The following LIPA variants were observed in gnomAD, a reference collection of about 807,000 sequenced individuals.
The protein encoded by LIPA is lipase A, lysosomal acid type.
LIPA carries 26 observed loss-of-function variants against 40.6 expected under a neutral mutation model. The ratio of observed to expected loss-of-function variants is 0.64; its 90% CI spans 0.47 to 0.89. The LOEUF is 0.89. LIPA is among the 40% of genes least tolerant of loss of function. The pLI is 0.00. For missense variants in LIPA, 455 were observed against 479.6 expected (o/e 0.95, Z 0.48); for synonymous variants, 188 against 168.4 (o/e 1.12, Z -0.90).
chr10:89,250,856 G>T (rs535761309), intron 1 of LIPA, among the ~76,000 whole-genome samples: 1 of 151,708 alleles, frequency 6.6e-6, no homozygotes, highest in Non-Finnish European at 1.5e-5. Flanking sequence ...AAGGAGGGGG[G>T]AAAAAAAACC....
intron 1 of LIPA, among the ~76,000 whole-genome samples, chr10:89,341,181 G>C (rs535538475): frequency 6.6e-6 from 1 of 152,260 alleles, no homozygotes; most frequent in Admixed American, 6.5e-5. Flanking sequence ...CAGCCTAGGA[G>C]CCCCAACTAA....
chr10:89,292,920 ATT>A (rs535059102), intron 1 of LIPA, among the ~76,000 whole-genome samples: 1,595 of 152,020 alleles, frequency 0.01, 21 homozygotes, highest in African/African-American at 0.032. Context: ...AAGTGCTGAG[ATT>A]ACAGACATGA....
intron 2 of LIPA, among the ~76,000 whole-genome samples, chr10:89,383,140 G>T (rs939600566): frequency 4.6e-5 from 7 of 152,128 alleles, no homozygotes; most frequent in African/African-American, 1.7e-4. Flanking sequence ...ATTTCCCCTT[G>T]GTTTTTATGT....
intron 1 of LIPA, chr10:89,306,767 A>T (rs770640915): frequency 9.9e-6 from 16 of 1,614,016 alleles, no homozygotes; most frequent in Non-Finnish European, 1.4e-5. Flanking sequence ...TGAACTGCTT[A>T]AAAAGGCTTT....
Position 89,334,581 on chromosome 10 carries a change from C to T in LIPA, c.-2+8030G>A, listed in dbSNP as rs1045028621. On this transcript the variant is annotated intron_variant, in intron 1 of 5. Coordinates refer to the LIPA transcript ENST00000282673. ...CCCGATCTTGGCTCACTGCAACCTC[C>T]GCCTTCCGGTTTCAAGCAATTCTGC... 3.4e-5 allele frequency among the ~76,000 whole-genome samples: 3 copies of T among 87,824 alleles called. No homozygotes were observed. In the East Asian group the frequency reaches 2.6e-3, roughly 76 times the overall value. The allele number at this position is 87,824 out of a possible 152,430, so 57.6% of individuals were successfully genotyped here.
intron 2 of LIPA, among the ~76,000 whole-genome samples, chr10:89,412,134 T>C (rs983594986): frequency 2.6e-5 from 4 of 152,150 alleles, no homozygotes; most frequent in Non-Finnish European, 5.9e-5. Context: ...TCTTCGCCCC[T>C]ATCCAGCAGA....
At chr10:89,384,812 T>G in intron 2 of LIPA, 1 of 1,310,282 alleles carries the variant, frequency 7.6e-7, no homozygotes, top group East Asian at 2.3e-5. Context: ...TAATGCAAAC[T>G]TAAAGCTGTT....
chr10:89,297,769 T>A (rs974702975), intron 1 of LIPA, among the ~76,000 whole-genome samples: 1 of 152,198 alleles, frequency 6.6e-6, no homozygotes, highest in African/African-American at 2.4e-5. Flanking sequence ...GGCTTACATG[T>A]AGAGAGCAGA....
chr10:89,400,335 G>A (rs2481931), intron 2 of LIPA, among the ~76,000 whole-genome samples: 39,259 of 151,948 alleles, frequency 0.26, 5,352 homozygotes, highest in East Asian at 0.54. Context: ...ATTTTTATTA[G>A]GATTGCATTG....
chr10:89,312,342 G>A (rs1843521150), intron 1 of LIPA, among the ~76,000 whole-genome samples: 1 of 152,130 alleles, frequency 6.6e-6, no homozygotes, highest in African/African-American at 2.4e-5. Context: ...TTGGGATGCT[G>A]AGGTAGGAGG....
At chr10:89,219,308 G>A (rs1317370966) in intron 8 of LIPA, among the ~76,000 whole-genome samples, 2 of 152,114 alleles carry the variant, frequency 1.3e-5, no homozygotes, top group East Asian at 1.9e-4. Context: ...AGCACCTTAG[G>A]TAGGTCAGAA....
chr10:89,375,387 T>G (rs1844114827), intron 2 of LIPA, among the ~76,000 whole-genome samples: 1 of 152,234 alleles, frequency 6.6e-6, no homozygotes, highest in Admixed American at 6.5e-5. Flanking sequence ...GTTCTCATTA[T>G]GCCCAAGCTG....
intron 1 of LIPA, among the ~76,000 whole-genome samples, chr10:89,279,584 C>A (rs1843305391): frequency 6.6e-6 from 1 of 152,090 alleles, no homozygotes; most frequent in East Asian, 1.9e-4. Flanking sequence ...GGCTTCGAGC[C>A]AAACCACAAG....
At chr10:89,338,535 G>A (rs1256596233) in intron 1 of LIPA, 1 of 890,408 alleles carries the variant, frequency 1.1e-6, no homozygotes, top group African/African-American at 1.7e-5. Context: ...TACATACCCA[G>A]AAATAATGTT....
intron 2 of LIPA, among the ~76,000 whole-genome samples, chr10:89,411,289 G>GAA (rs146270257): frequency 2.0e-5 from 3 of 147,586 alleles, no homozygotes; most frequent in Non-Finnish European, 3.0e-5. Flanking sequence ...GGCAATTAAG[G>GAA]AAAAAAAAAA....
At position 89,215,892 on chromosome 10, in the gene LIPA, G is replaced by A. The variant is rs3802656; in HGVS notation, c.966+46C>T. 298,323 of 1,248,724 alleles carry A rather than the reference G, an allele frequency of 0.24. 39,451 individuals carry two copies. The highest frequency in any genetic ancestry group is 0.46 in the African/African-American group (31,360 of 67,758). 77.4% of individuals were successfully genotyped at this position (1,248,724 alleles called of 1,614,324 possible). ...CCTGATAGGCCAGGCTGGCTTTCTT[G>A]ATGAGTTTTCAGGGCCCCCTTTAAT... On this transcript the variant is annotated intron_variant, in intron 9 of 9. Transcript: ENST00000336233.
chr10:89,286,222 C>T (rs931137668), intron 1 of LIPA, among the ~76,000 whole-genome samples: 1 of 152,020 alleles, frequency 6.6e-6, no homozygotes, highest in Non-Finnish European at 1.5e-5. Context: ...GCAACTCATC[C>T]CAAATCTTCC....
chr10:89,312,254 A>G (rs1843520623), intron 1 of LIPA, among the ~76,000 whole-genome samples: 1 of 152,110 alleles, frequency 6.6e-6, no homozygotes, highest in Non-Finnish European at 1.5e-5. Context: ...CAGCCTGGAC[A>G]GCATGGTGAA....
intron 3 of LIPA, among the ~76,000 whole-genome samples, chr10:89,229,675 C>T (rs1842816364): frequency 6.6e-6 from 1 of 151,632 alleles, no homozygotes; most frequent in South Asian, 2.1e-4. Context: ...ATTGCTTGAA[C>T]CCGGGAGGCA....
Sources: gnomAD v4.1 joint callset for allele counts (sites outside exome capture counted in the v4.1 genomes callset) on GRCh38, gnomAD v4.1.1 for gene constraint, MANE v1.5 for transcripts, NCBI Gene and HGNC (gene_info 2026-07-23, HGNC 2026-07-21) for gene names.